The following C2CD5 variants were observed in gnomAD, a reference collection of about 807,000 sequenced individuals.
The protein encoded by C2CD5 is C2 calcium dependent domain containing 5.
C2CD5 carries 109 observed loss-of-function variants against 130.3 expected under a neutral mutation model. The ratio of observed to expected loss-of-function variants is 0.84; its 90% CI spans 0.72 to 0.98. The LOEUF (loss-of-function observed/expected upper bound fraction) is 0.98, where lower values mean the gene tolerates loss of function less well. Among genes scored for constraint, C2CD5 ranks in the 50% least tolerant of loss-of-function variants. The pLI, the probability that C2CD5 is intolerant of heterozygous loss-of-function variation, is 0.00. For missense variants in C2CD5, 996 were observed against 1,261.8 expected (o/e 0.79, Z 3.19); for synonymous variants, 454 against 429.2 (o/e 1.06, Z -0.71).
At chr12:22,485,544 T>C (rs1046009724) in intron 12 of C2CD5, among the ~76,000 whole-genome samples, 5 of 151,816 alleles carry the variant, frequency 3.3e-5, no homozygotes, top group African/African-American at 7.3e-5. Context: ...AAAAGAAAAA[T>C]AGTAAGTCAA....
At chr12:22,476,923 A>G (rs1943925220) in intron 15 of C2CD5, among the ~76,000 whole-genome samples, 1 of 152,154 alleles carries the variant, frequency 6.6e-6, no homozygotes, top group Non-Finnish European at 1.5e-5. Flanking sequence ...TATAACTACC[A>G]AATAAAAATA....
intron 10 of C2CD5, among the ~76,000 whole-genome samples, chr12:22,496,376 A>G (rs1028236740): frequency 6.6e-6 from 1 of 152,008 alleles, no homozygotes; most frequent in Non-Finnish European, 1.5e-5. Flanking sequence ...ATTCATCCTA[A>G]AAAGTACAAA....
intron 10 of C2CD5, among the ~76,000 whole-genome samples, chr12:22,501,446 TATATTATTAATGGTCA>T (rs1343674149): frequency 2.6e-5 from 4 of 152,212 alleles, no homozygotes; most frequent in African/African-American, 9.6e-5. Flanking sequence ...TTCAGTTCCT[TATATTATTAATGGTCA>T]ATATGCTCTC....
chr12:22,499,402 G>GA (rs56095104), intron 10 of C2CD5, among the ~76,000 whole-genome samples: 2 of 152,152 alleles, frequency 1.3e-5, no homozygotes, highest in African/African-American at 4.8e-5. Flanking sequence ...TTCACCTTTG[G>GA]AAAACTACTG....
At chr12:22,535,435 C>T in intron 2 of C2CD5, 91 bp from the exon 3 acceptor site, 1 of 694,788 alleles carries the variant, frequency 1.4e-6, no homozygotes, top group South Asian at 1.6e-5. Context: ...GAAGGATAAA[C>T]CATAAAGGGG....
chr12:22,503,066 T>C (rs1192392054), intron 10 of C2CD5, among the ~76,000 whole-genome samples: 2 of 152,202 alleles, frequency 1.3e-5, no homozygotes, highest in African/African-American at 4.8e-5. Context: ...GTCACCCGTT[T>C]GCTCAATATT....
chr12:22,507,128 T>C (rs7137349), intron 9 of C2CD5, among the ~76,000 whole-genome samples: 5,894 of 152,252 alleles, frequency 0.039, 378 homozygotes, highest in African/African-American at 0.13. Context: ...TCTCCAACTC[T>C]GATGGAACTT....
intron 11 of C2CD5, among the ~76,000 whole-genome samples, chr12:22,492,301 G>A (rs533609366): frequency 6.6e-6 from 1 of 151,840 alleles, no homozygotes; most frequent in South Asian, 2.1e-4. Context: ...GATGGCAAAA[G>A]AACAAAAAAA....
At chr12:22,461,250 C>T (rs1941090015) in intron 22 of C2CD5, among the ~76,000 whole-genome samples, 2 of 152,198 alleles carry the variant, frequency 1.3e-5, no homozygotes, top group Non-Finnish European at 2.9e-5. Context: ...TCTCATATGT[C>T]TTGTGCAGTA....
intron 11 of C2CD5, among the ~76,000 whole-genome samples, chr12:22,492,802 G>A (rs1054797968): frequency 8.5e-5 from 13 of 152,142 alleles, no homozygotes; most frequent in Non-Finnish European, 1.6e-4. Context: ...AAAGGAGGCA[G>A]AATGAGTTTA....
chr12:22,541,168 T>A (rs1952341763), intron 2 of C2CD5, among the ~76,000 whole-genome samples: 1 of 152,112 alleles, frequency 6.6e-6, no homozygotes, highest in Admixed American at 6.5e-5. Flanking sequence ...TGGAAAATGA[T>A]CCTCCTCAAT....
intron 8 of C2CD5, chr12:22,515,152 T>C: frequency 1.0e-6 from 1 of 984,122 alleles, no homozygotes; most frequent in South Asian, 4.7e-5. Context: ...GGTAAGGTGC[T>C]GTGGAGGAAA....
At chr12:22,450,422 T>C (rs560805218) in intron 26 of C2CD5, among the ~76,000 whole-genome samples, 6 of 152,042 alleles carry the variant, frequency 3.9e-5, no homozygotes, top group African/African-American at 7.2e-5. Flanking sequence ...ACAAACTAAA[T>C]GCCCATCAAA....
chr12:22,504,758 G>C (rs1423658284), intron 10 of C2CD5, among the ~76,000 whole-genome samples: 1 of 152,156 alleles, frequency 6.6e-6, no homozygotes, highest in Non-Finnish European at 1.5e-5. Context: ...GGTCACAAGG[G>C]TGATGTCAGG....
chr12:22,532,123 G>A (rs374122354), intron 3 of C2CD5, among the ~76,000 whole-genome samples: 5 of 152,120 alleles, frequency 3.3e-5, no homozygotes, highest in Admixed American at 2.0e-4. Flanking sequence ...CTGAGGTCGC[G>A]AGTTTGAGAA....
At chr12:22,529,334 C>T (rs1951005227) in intron 3 of C2CD5, among the ~76,000 whole-genome samples, 1 of 152,110 alleles carries the variant, frequency 6.6e-6, no homozygotes, top group African/African-American at 2.4e-5. Context: ...AACCATTAAC[C>T]ATTACTCTAA....
chr12:22,456,949 G>T, intron 25 of C2CD5, 22 bp downstream of exon 25: 2 of 1,451,626 alleles, frequency 1.4e-6, no homozygotes, highest in South Asian at 1.4e-5. Flanking sequence ...TTTAAAAAAT[G>T]AAATAACTTC....
chr12:22,466,565 T>G (rs1379408831), intron 22 of C2CD5, among the ~76,000 whole-genome samples: 1 of 152,158 alleles, frequency 6.6e-6, no homozygotes. Context: ...AAGACTCTAT[T>G]ATATTTTTCA....
chr12:22,532,121 G>T (rs12425778), intron 3 of C2CD5, among the ~76,000 whole-genome samples: 1 of 152,050 alleles, frequency 6.6e-6, no homozygotes, highest in Non-Finnish European at 1.5e-5. Flanking sequence ...ACCTGAGGTC[G>T]CGAGTTTGAG....
Sources: gnomAD v4.1 joint callset for allele counts (sites outside exome capture counted in the v4.1 genomes callset) on GRCh38, gnomAD v4.1.1 for gene constraint, MANE v1.5 for transcripts, NCBI Gene and HGNC (gene_info 2026-07-23, HGNC 2026-07-21) for gene names.